Variants in ZNF536 observed in about 807,000 individuals in gnomAD.
The protein encoded by ZNF536 is zinc finger protein 536.
A neutral mutation model predicts 84.5 loss-of-function variants in ZNF536; 13 were observed. That is an observed-to-expected ratio of 0.15 (90% CI 0.10 to 0.24). ZNF536 has a LOEUF of 0.24. ZNF536 is among the 10% of genes least tolerant of loss of function. The pLI, the probability that ZNF536 is intolerant of heterozygous loss-of-function variation, is 1.00. For synonymous variants in ZNF536, 811 were observed against 742.5 expected (o/e 1.09, Z -1.50); for missense variants, 1,536 against 1,747.5 (o/e 0.88, Z 2.16).
intron 2 of ZNF536, among the ~76,000 whole-genome samples, chr19:30,496,926 G>A (rs904609741): frequency 5.9e-5 from 9 of 152,200 alleles, no homozygotes; most frequent in African/African-American, 1.4e-4. Flanking sequence ...TAGGGCACAG[G>A]TGACAGTGTC....
rs776903638 is a variant in ZNF536 at position 30,547,930 on chromosome 19, C to G, written c.2324-13C>G. 2 of 1,514,048 alleles carry G rather than the reference C, an allele frequency of 1.3e-6. No individual in the cohort carries two copies. Among genetic ancestry groups the G allele is most frequent in the Non-Finnish European group, 1.8e-6 (2 of 1,132,640 alleles). The allele number at this position is 1,514,048 out of a possible 1,614,324, so 93.8% of individuals were successfully genotyped here. A position where few individuals can be genotyped will look rare whatever the true frequency, so the allele number is the denominator to read the frequency against. On this transcript the variant is annotated splice_polypyrimidine_tract_variant and intron_variant, in intron 3 of 4. Coordinates refer to ENST00000355537, the MANE Select transcript of ZNF536 (RefSeq NM_014717.3). ...TAAACGCCTCTTTTTTTTCTTATAT[C>G]AAAATCTTGCAGGTGAGAAACCCTA...
At chr19:30,401,152 A>G (rs552995478) in intron 1 of ZNF536, among the ~76,000 whole-genome samples, 1 of 152,034 alleles carries the variant, frequency 6.6e-6, no homozygotes, top group Admixed American at 6.6e-5. Context: ...TTGCTTTTGC[A>G]TCCTTGTCAA....
chr19:30,521,206 G>A (rs1010004945), intron 2 of ZNF536, among the ~76,000 whole-genome samples: 3 of 152,234 alleles, frequency 2.0e-5, no homozygotes, highest in Admixed American at 1.3e-4. Flanking sequence ...GAATGCCCAG[G>A]CAAGCCTGTT....
intron 4 of ZNF536, among the ~76,000 whole-genome samples, chr19:30,553,430 C>G (rs140959565): frequency 6.6e-6 from 1 of 152,166 alleles, no homozygotes; most frequent in Non-Finnish European, 1.5e-5. Flanking sequence ...ACCAGATCAC[C>G]CTTACTCCTT....
chr19:30,588,588 T>C (rs1469788375), intron 1 of ZNF536, among the ~76,000 whole-genome samples: 1 of 152,146 alleles, frequency 6.6e-6, no homozygotes, highest in African/African-American at 2.4e-5. Context: ...ATTTTTCTGA[T>C]CCAAACCAAG....
chr19:30,452,732 T>C (rs1051210786), intron 2 of ZNF536, among the ~76,000 whole-genome samples: 1 of 152,106 alleles, frequency 6.6e-6, no homozygotes, highest in African/African-American at 2.4e-5. Flanking sequence ...GATCAGGAGA[T>C]TGGATTTGTG....
intron 1 of ZNF536, among the ~76,000 whole-genome samples, chr19:30,590,999 C>T (rs1174070295): frequency 6.6e-6 from 1 of 152,206 alleles, no homozygotes; most frequent in African/African-American, 2.4e-5. Context: ...GTGCATGGCC[C>T]AGATGTGTAT....
At chr19:30,466,763 A>AGGAAGGAAGGAC in intron 2 of ZNF536, among the ~76,000 whole-genome samples, 1 of 69,580 alleles carries the variant, frequency 1.4e-5, no homozygotes, top group South Asian at 7.8e-4. Flanking sequence ...GAGGGAAGGA[A>AGGAAGGAAGGAC]GGAAGGAAGG....
rs75020348 is a variant in ZNF536, at chr19:30,586,335, C to T, written c.169+36821C>T. 2.2e-4 allele frequency among the ~76,000 whole-genome samples: 33 copies of T among 152,304 alleles called. 1 individual carries two copies. The highest frequency in any genetic ancestry group is 5.8e-4 in the East Asian group (3 of 5,170). On this transcript the variant is annotated intron_variant, in intron 1 of 1. Coordinates refer to the ZNF536 transcript ENST00000592773. Reference sequence around the variant, plus strand: ...AATCCCATAAATGGGTCCCAGCATGCGCTGGTTAGTGAGAATGTGCGGCCA... The same window carrying T: ...AATCCCATAAATGGGTCCCAGCATGTGCTGGTTAGTGAGAATGTGCGGCCA...
intron 2 of ZNF536, among the ~76,000 whole-genome samples, chr19:30,473,658 C>T (rs560956347): frequency 2.6e-5 from 4 of 152,210 alleles, no homozygotes; most frequent in Admixed American, 1.3e-4. Flanking sequence ...TCCTTGGAGC[C>T]GCTACAATGT....
rs1272080934 is a variant in ZNF536, at chr19:30,540,610, G to GAAGTTATCCCATCCTGGAC, written c.2323+5625_2323+5626insTGGACAAGTTATCCCATCC. On this transcript the variant is annotated intron_variant, in intron 3 of 4. Transcript: ENST00000355537. ...CGCTGAGCCTCAGAGACAGAGAGGTGAAGTTATCCCATCCCGGAGTTGTCC... is the reference window on the plus strand; with the variant it reads ...CGCTGAGCCTCAGAGACAGAGAGGTGAAGTTATCCCATCCTGGACAAGTTATCCCATCCCGGAGTTGTCC... Among the ~76,000 whole-genome samples the GAAGTTATCCCATCCTGGAC allele has an allele frequency of 1.1e-4, 17 of 152,320 alleles. No individual in the cohort carries two copies. The East Asian group carries it at 2.9e-3, about 26-fold the overall frequency.
intron 1 of ZNF536, among the ~76,000 whole-genome samples, chr19:30,380,108 A>T (rs1232475979): frequency 6.6e-6 from 1 of 152,346 alleles, no homozygotes; most frequent in Middle Eastern, 3.4e-3. Context: ...GCTGAGCTGA[A>T]GACCCCAACA....
intron 3 of ZNF536, among the ~76,000 whole-genome samples, chr19:30,547,346 A>T (rs1392942383): frequency 6.6e-6 from 1 of 152,218 alleles, no homozygotes; most frequent in East Asian, 1.9e-4. Context: ...GAAACAGTGC[A>T]GTAGGTCTGC....
intron 2 of ZNF536, among the ~76,000 whole-genome samples, chr19:30,513,322 C>A (rs1219254127): frequency 2.0e-5 from 3 of 152,164 alleles, no homozygotes; most frequent in Non-Finnish European, 4.4e-5. Flanking sequence ...CAAGTGAAAT[C>A]AGCGCCTAGG....
intron 1 of ZNF536, among the ~76,000 whole-genome samples, chr19:30,234,957 A>G (rs2023375432): frequency 6.6e-6 from 1 of 152,120 alleles, no homozygotes; most frequent in South Asian, 2.1e-4. Flanking sequence ...CAAGTACCAG[A>G]TCGTAGGACC....
intron 4 of ZNF536, among the ~76,000 whole-genome samples, chr19:30,550,137 G>A (rs975641629): frequency 7.2e-5 from 11 of 152,190 alleles, no homozygotes; most frequent in African/African-American, 2.7e-4. Context: ...TTGTCTGTCT[G>A]TTCACCTGTC....
intron 1 of ZNF536, among the ~76,000 whole-genome samples, chr19:30,392,358 A>G (rs1026526939): frequency 1.1e-4 from 16 of 152,186 alleles, no homozygotes; most frequent in Non-Finnish European, 1.5e-4. Context: ...AAGGGATTCC[A>G]TTAAGGAGAC....
At chr19:30,565,988 A>T (rs914781225) in intron 1 of ZNF536, among the ~76,000 whole-genome samples, 2 of 152,230 alleles carry the variant, frequency 1.3e-5, no homozygotes, top group Non-Finnish European at 2.9e-5. Context: ...TTATAACGTC[A>T]GGCTGTGACC....
chr19:30,230,746 A>C (rs921379338), intron 1 of ZNF536, among the ~76,000 whole-genome samples: 7 of 152,150 alleles, frequency 4.6e-5, no homozygotes, highest in Admixed American at 4.6e-4. Flanking sequence ...AACCAAAGAA[A>C]TTTCCATCAG....
Sources: gnomAD v4.1 joint callset for allele counts (sites outside exome capture counted in the v4.1 genomes callset) on GRCh38, gnomAD v4.1.1 for gene constraint, MANE v1.5 for transcripts, NCBI Gene and HGNC (gene_info 2026-07-23, HGNC 2026-07-21) for gene names.